Variants in DGKI observed in about 807,000 individuals in gnomAD.
The protein encoded by DGKI is diacylglycerol kinase iota, also known as DAG kinase iota.
A neutral mutation model predicts 147.5 loss-of-function variants in DGKI; 55 were observed. That is an observed-to-expected ratio of 0.37 (90% CI 0.30 to 0.47). The LOEUF (loss-of-function observed/expected upper bound fraction) is 0.47, where lower values mean the gene tolerates loss of function less well. Among genes scored for constraint, DGKI ranks in the 20% least tolerant of loss-of-function variants. The probability of loss-of-function intolerance (pLI) is 1.00; values close to 1 mark genes in which losing one functional copy is unlikely to be tolerated. For synonymous variants in DGKI, 469 were observed against 477.1 expected (o/e 0.98, Z 0.22); for missense variants, 1,007 against 1,323.8 (o/e 0.76, Z 3.71).
chr7:137,627,964 G>A (rs1396228611), intron 6 of DGKI, among the ~76,000 whole-genome samples: 1 of 152,094 alleles, frequency 6.6e-6, no homozygotes, highest in Non-Finnish European at 1.5e-5. Context: ...CATCAAATGA[G>A]GCCATGCATT....
At chr7:137,668,860 AG>A (rs1265541693) in intron 3 of DGKI, among the ~76,000 whole-genome samples, 1 of 152,186 alleles carries the variant, frequency 6.6e-6, no homozygotes, top group African/African-American at 2.4e-5. Context: ...CTCCAAACCT[AG>A]TACTCTGAGT....
intron 19 of DGKI, among the ~76,000 whole-genome samples, chr7:137,566,287 T>C (rs1160165829): frequency 1.3e-5 from 2 of 152,132 alleles, no homozygotes; most frequent in Non-Finnish European, 2.9e-5. Context: ...AATAATTTAC[T>C]TCCTTAGAAA....
chr7:137,546,255 G>A (rs1817863437), intron 20 of DGKI, among the ~76,000 whole-genome samples: 1 of 152,066 alleles, frequency 6.6e-6, no homozygotes, highest in Non-Finnish European at 1.5e-5. Context: ...CAGGTCGGGG[G>A]GTGTAGGGGG....
intron 5 of DGKI, among the ~76,000 whole-genome samples, chr7:137,647,994 CTG>C (rs1440941585): frequency 6.6e-6 from 1 of 152,184 alleles, no homozygotes; most frequent in Non-Finnish European, 1.5e-5. Flanking sequence ...GCAGCAGAAT[CTG>C]TGCCCTTACC....
chr7:137,761,773 A>T (rs531913946), intron 1 of DGKI, among the ~76,000 whole-genome samples: 1 of 152,136 alleles, frequency 6.6e-6, no homozygotes. Context: ...TGGGCCCACA[A>T]ATCTCTATGT....
At chr7:137,552,111 T>C (rs188855466) in intron 20 of DGKI, among the ~76,000 whole-genome samples, 111 of 152,300 alleles carry the variant, frequency 7.3e-4, no homozygotes, top group African/African-American at 2.5e-3. Flanking sequence ...TCCCAGTAAA[T>C]ATATTCTCAA....
At chr7:137,737,551 A>C (rs1450784163) in intron 1 of DGKI, among the ~76,000 whole-genome samples, 7 of 152,032 alleles carry the variant, frequency 4.6e-5, no homozygotes. Context: ...GTGACATGAA[A>C]GCTCATCTCT....
intron 26 of DGKI, among the ~76,000 whole-genome samples, chr7:137,464,374 A>G (rs1326201771): frequency 6.6e-6 from 1 of 151,850 alleles, no homozygotes; most frequent in Non-Finnish European, 1.5e-5. Flanking sequence ...AGCCCAGGTT[A>G]GGTGGGGTAG....
chr7:137,597,920 T>C lies in DGKI; in HGVS notation c.1251-13A>G, dbSNP rs750373746. 1.9e-6 allele frequency: 3 copies of C among 1,611,308 alleles called. No individual in the cohort carries two copies. Among genetic ancestry groups the C allele is most frequent in the Non-Finnish European group, 2.5e-6 (3 of 1,178,360 alleles). ...ATACAATTCAAGCCTGTAGAGGAAA[T>C]AGAAGAAAAAGTAAACAAAAGAACA... On this transcript the variant is annotated splice_polypyrimidine_tract_variant and intron_variant, in intron 11 of 32. Transcript: ENST00000614521.
At chr7:137,579,446 A>G (rs1819105680) in intron 15 of DGKI, among the ~76,000 whole-genome samples, 1 of 151,268 alleles carries the variant, frequency 6.6e-6, no homozygotes, top group Non-Finnish European at 1.5e-5. Context: ...TAAAAAAAAA[A>G]AAAAAGAAAG....
chr7:137,834,403 G>A (rs1798304262), intron 1 of DGKI, among the ~76,000 whole-genome samples: 1 of 152,200 alleles, frequency 6.6e-6, no homozygotes, highest in Non-Finnish European at 1.5e-5. Flanking sequence ...AATTGTTCGA[G>A]AGATGCTAAA....
rs1355210176 is a variant in DGKI, at chr7:137,846,332, G to A, written c.401+130C>T. ...GAAGACAGACATCCCCGGGAGGAGA[G>A]GGGGAAAGGGGGAAGGAGAGGCGTG... On this transcript the variant is annotated intron_variant, in intron 1 of 32. Coordinates refer to ENST00000614521, the MANE Select transcript of DGKI (RefSeq NM_001321708.2). This position sits in a 1 kb window ranked among gnomAD's most constrained non-coding sequence, Gnocchi z 4.0. 1.9e-6 allele frequency: 1 copy of A among 520,434 alleles called. No homozygotes were observed. The highest frequency in any genetic ancestry group is 3.3e-6 in the Non-Finnish European group (1 of 303,130). The allele number at this position is 520,434 out of a possible 1,614,324, so 32.2% of individuals were successfully genotyped here.
At chr7:137,425,510 A>G (rs1477042501) in intron 28 of DGKI, among the ~76,000 whole-genome samples, 1 of 152,254 alleles carries the variant, frequency 6.6e-6, no homozygotes, top group Non-Finnish European at 1.5e-5. Flanking sequence ...CTCCAAAGGA[A>G]TGCAGTTCCT....
intron 20 of DGKI, among the ~76,000 whole-genome samples, chr7:137,541,265 G>A (rs1347249576): frequency 7.9e-5 from 12 of 152,156 alleles, no homozygotes; most frequent in East Asian, 7.7e-4. Flanking sequence ...GTGCATGTGC[G>A]TGTGTGTGTA....
At chr7:137,551,327 G>A (rs776931125) in intron 20 of DGKI, among the ~76,000 whole-genome samples, 1 of 152,070 alleles carries the variant, frequency 6.6e-6, no homozygotes, top group Non-Finnish European at 1.5e-5. Context: ...GTGAATGAGG[G>A]CACCTGTGTT....
chr7:137,648,486 G>A (rs146888698), intron 5 of DGKI, among the ~76,000 whole-genome samples: 1 of 152,298 alleles, frequency 6.6e-6, no homozygotes, highest in East Asian at 1.9e-4. Flanking sequence ...GATTCCCAGT[G>A]GGTGACTGAA....
In DGKI at chr7:137,404,254, A is replaced by T. The variant is rs1305167373; in HGVS notation, c.2920+3621T>A. On this transcript the variant is annotated intron_variant, in intron 30 of 32. Coordinates refer to ENST00000614521, the MANE Select transcript of DGKI (RefSeq NM_001321708.2). ...TCAGCAACTAAAGATATTAAAAAACAAAACGACAGTTGAGCTGAAGTGTTT... is the reference window on the plus strand; with the variant it reads ...TCAGCAACTAAAGATATTAAAAAACTAAACGACAGTTGAGCTGAAGTGTTT... Among the ~76,000 whole-genome samples, 3 of 152,256 alleles carry T rather than the reference A, an allele frequency of 2.0e-5. No homozygotes were observed. The East Asian group carries it at 5.8e-4, about 29-fold the overall frequency.
At chr7:137,705,219 A>G (rs1319918619) in intron 1 of DGKI, among the ~76,000 whole-genome samples, 2 of 152,110 alleles carry the variant, frequency 1.3e-5, no homozygotes, top group Non-Finnish European at 2.9e-5. Context: ...AAACATAAAT[A>G]TGCAATATGA....
At chr7:137,581,460 A>G (rs905674872) in intron 15 of DGKI, among the ~76,000 whole-genome samples, 3 of 152,106 alleles carry the variant, frequency 2.0e-5, no homozygotes, top group Non-Finnish European at 4.4e-5. Flanking sequence ...TTGCACTTTA[A>G]TAGTGTTTTG....
Sources: allele counts gnomAD v4.1 joint callset (sites outside exome capture counted in the v4.1 genomes callset), GRCh38; gene constraint gnomAD v4.1.1; non-coding constraint Gnocchi (gnomAD v3.1); transcripts MANE v1.5; gene names NCBI Gene and HGNC (gene_info 2026-07-23, HGNC 2026-07-21).